Variants in RIPOR3 observed in about 807,000 individuals in gnomAD.
The protein encoded by RIPOR3 is family with sequence similarity 65 member C.
RIPOR3 carries 95 observed loss-of-function variants against 114.3 expected under a neutral mutation model. That is an observed-to-expected ratio of 0.83 (90% CI 0.70 to 0.99). RIPOR3 has a LOEUF of 0.99. RIPOR3 is among the 50% of genes least tolerant of loss of function. The probability of loss-of-function intolerance (pLI) is 0.00; values close to 1 mark genes in which losing one functional copy is unlikely to be tolerated. For synonymous variants in RIPOR3, 575 were observed against 543.8 expected (o/e 1.06, Z -0.80); for missense variants, 1,252 against 1,266.9 (o/e 0.99, Z 0.18).
At chr20:50,611,319 A>G in intron 4 of RIPOR3, 115 bp from the exon 5 acceptor site, 2 of 1,373,456 alleles carry the variant, frequency 1.5e-6, no homozygotes, top group Non-Finnish European at 2.0e-6. Context: ...ACAGAAAGCC[A>G]TGTCTACAGC....
chr20:50,684,441 T>G (rs1353022430), intron 1 of RIPOR3, among the ~76,000 whole-genome samples: 1 of 152,006 alleles, frequency 6.6e-6, no homozygotes, highest in African/African-American at 2.4e-5. Flanking sequence ...GGAGGAGAGA[T>G]AAGGTTAGAG....
At chr20:50,691,092 C>T (rs765025075) in intron 1 of RIPOR3, 34 bp downstream of exon 1, 1 of 1,289,486 alleles carries the variant, frequency 7.8e-7, no homozygotes. Flanking sequence ...GGCGGCGTCA[C>T]GGCACACATG....
intron 2 of RIPOR3, among the ~76,000 whole-genome samples, chr20:50,630,077 C>A (rs756970628): frequency 3.3e-5 from 5 of 152,120 alleles, no homozygotes; most frequent in Admixed American, 6.6e-5. Flanking sequence ...AAATAATCCT[C>A]CCACCTCAGC....
chr20:50,686,771 G>A (rs1485227682), intron 1 of RIPOR3, among the ~76,000 whole-genome samples: 15 of 151,202 alleles, frequency 9.9e-5, no homozygotes, highest in Non-Finnish European at 4.4e-5. Flanking sequence ...AAGAAAGAAA[G>A]AAAAAAAAGT....
chr20:50,587,939 C>G, intron 20 of RIPOR3, 47 bp from the exon 21 acceptor site: 1 of 1,583,808 alleles, frequency 6.3e-7, no homozygotes, highest in Non-Finnish European at 8.7e-7. Flanking sequence ...GCCTTCTCAA[C>G]AGCAGGTAGA....
intron 1 of RIPOR3, among the ~76,000 whole-genome samples, chr20:50,681,997 T>C (rs562741434): frequency 4.9e-4 from 75 of 152,278 alleles, no homozygotes; most frequent in Non-Finnish European, 7.9e-4. Context: ...ACAAATGCCA[T>C]GTGTAGAGGG....
intron 1 of RIPOR3, among the ~76,000 whole-genome samples, chr20:50,640,263 C>T (rs1234637210): frequency 1.3e-5 from 2 of 151,948 alleles, no homozygotes; most frequent in Non-Finnish European, 2.9e-5. Context: ...TGCACAAAGC[C>T]TGTAGGTCTG....
At chr20:50,675,526 T>C (rs956298) in intron 1 of RIPOR3, among the ~76,000 whole-genome samples, 22,207 of 152,210 alleles carry the variant, frequency 0.15, 1,725 homozygotes, top group East Asian at 0.23. Flanking sequence ...AAGCCCACTT[T>C]TAAGGACCAA....
chr20:50,613,022 GT>G (rs1240764683), intron 4 of RIPOR3, among the ~76,000 whole-genome samples: 1 of 152,230 alleles, frequency 6.6e-6, no homozygotes, highest in Non-Finnish European at 1.5e-5. Context: ...GAGCCCAGGA[GT>G]TTGAGGTTAC....
intron 13 of RIPOR3, among the ~76,000 whole-genome samples, chr20:50,601,813 G>T (rs1460365890): frequency 2.0e-5 from 3 of 152,172 alleles, no homozygotes; most frequent in Non-Finnish European, 4.4e-5. Context: ...CAGAAGGTGC[G>T]AGATGGGGCC....
intron 3 of RIPOR3, among the ~76,000 whole-genome samples, chr20:50,618,998 G>A (rs548522212): frequency 6.6e-6 from 1 of 152,252 alleles, no homozygotes; most frequent in South Asian, 2.1e-4. Context: ...ATCACCTGAG[G>A]TCAGGAGTTC....
intron 1 of RIPOR3, among the ~76,000 whole-genome samples, chr20:50,638,324 G>T (rs917103911): frequency 6.6e-6 from 1 of 152,220 alleles, no homozygotes; most frequent in Non-Finnish European, 1.5e-5. Context: ...CCTCCTGACC[G>T]CAGAATAGTC....
At chr20:50,673,266 AC>A (rs904640491) in intron 1 of RIPOR3, among the ~76,000 whole-genome samples, 1 of 151,694 alleles carries the variant, frequency 6.6e-6, no homozygotes, top group African/African-American at 2.4e-5. Flanking sequence ...ATACCCACAG[AC>A]CCCTCTGAGG....
intron 1 of RIPOR3, among the ~76,000 whole-genome samples, chr20:50,680,087 C>T (rs530913936): frequency 6.6e-5 from 10 of 152,294 alleles, no homozygotes; most frequent in South Asian, 4.1e-4. Flanking sequence ...CCCTGGAACC[C>T]GGGAAGGAAG....
intron 2 of RIPOR3, among the ~76,000 whole-genome samples, chr20:50,621,267 G>C (rs1445643088): frequency 6.6e-6 from 1 of 152,238 alleles, no homozygotes; most frequent in Non-Finnish European, 1.5e-5. Context: ...CCAAGTCATA[G>C]TCCTGTGCTT....
chr20:50,595,555 G>A (rs1452600545), intron 15 of RIPOR3, 51 bp from the exon 16 acceptor site: 1 of 1,598,176 alleles, frequency 6.3e-7, no homozygotes, highest in East Asian at 2.2e-5. Flanking sequence ...GCCCACCGAG[G>A]TCAGCTGTTA....
intron 1 of RIPOR3, among the ~76,000 whole-genome samples, chr20:50,647,413 T>C (rs931479818): frequency 6.6e-6 from 1 of 151,728 alleles, no homozygotes; most frequent in Non-Finnish European, 1.5e-5. Context: ...ACCCACAGAC[T>C]GACACAGAGG....
intron 1 of RIPOR3, chr20:50,659,781 C>T (rs548940773): frequency 6.6e-6 from 1 of 152,062 alleles, no homozygotes; most frequent in Admixed American, 6.6e-5. Context: ...CGGATAATCA[C>T]CAGCTGAGTC....
chr20:50,624,658 C>A (rs1467966257), intron 2 of RIPOR3, among the ~76,000 whole-genome samples: 1 of 152,206 alleles, frequency 6.6e-6, no homozygotes, highest in African/African-American at 2.4e-5. Context: ...GCAGGAAGAG[C>A]CTCTGGGGCC....
Sources: allele counts gnomAD v4.1 joint callset (sites outside exome capture counted in the v4.1 genomes callset), GRCh38; gene constraint gnomAD v4.1.1; transcripts MANE v1.5; gene names NCBI Gene and HGNC (gene_info 2026-07-23, HGNC 2026-07-21).